AGTPBP1: variants seen among roughly 807,000 people sequenced by gnomAD.
AGTPBP1 encodes cytosolic carboxypeptidase 1.
AGTPBP1 carries 70 observed loss-of-function variants against 143.9 expected under a neutral mutation model. The observed-to-expected ratio is 0.49, with a 90% CI of 0.40 to 0.59. AGTPBP1 has a LOEUF of 0.59. Ranked by LOEUF, AGTPBP1 falls within the 20% of genes least tolerant of loss-of-function variation. The pLI is 0.00. For missense variants in AGTPBP1, 1,229 were observed against 1,464.5 expected (o/e 0.84, Z 2.62); for synonymous variants, 463 against 500.2 (o/e 0.93, Z 0.99).
intron 13 of AGTPBP1, among the ~76,000 whole-genome samples, chr9:85,639,346 C>A (rs1350401345): frequency 3.5e-5 from 5 of 144,312 alleles, no homozygotes; most frequent in Non-Finnish European, 7.7e-5. Context: ...CATACATACA[C>A]ACACCCATGC....
intron 19 of AGTPBP1, 36 bp downstream of exon 19, chr9:85,592,524 A>C (rs989218741): frequency 6.9e-7 from 1 of 1,444,884 alleles, no homozygotes; most frequent in South Asian, 1.3e-5. Flanking sequence ...TATCTTATAC[A>C]TATCCATATA....
the AGTPBP1 span, among the ~76,000 whole-genome samples, chr9:85,757,922 G>A: frequency 5.3e-5 from 8 of 152,228 alleles, no homozygotes; most frequent in Non-Finnish European, 4.4e-5. Context: ...AGTAGGGAAT[G>A]AATGCAAGTC....
intron 9 of AGTPBP1, among the ~76,000 whole-genome samples, chr9:85,658,358 T>C (rs563979442): frequency 2.6e-5 from 4 of 152,094 alleles, no homozygotes; most frequent in Non-Finnish European, 5.9e-5. Flanking sequence ...GGAGTAGAAT[T>C]AACAAATAAA....
At chr9:85,623,266 TA>T (rs1220900752) in intron 14 of AGTPBP1, among the ~76,000 whole-genome samples, 2 of 151,166 alleles carry the variant, frequency 1.3e-5, no homozygotes, top group African/African-American at 4.9e-5. Context: ...TCCCAAATTT[TA>T]AAGGCTGGCA....
intron 17 of AGTPBP1, among the ~76,000 whole-genome samples, chr9:85,608,555 GCACATGATA>G (rs1223271739): frequency 1.3e-5 from 2 of 151,312 alleles, no homozygotes; most frequent in Admixed American, 1.3e-4. Context: ...CTTCTCAACA[GCACATGATA>G]CATTCATAAA....
chr9:85,659,677 TAA>T (rs1370205863), intron 9 of AGTPBP1, among the ~76,000 whole-genome samples: 1 of 152,186 alleles, frequency 6.6e-6, no homozygotes. Flanking sequence ...TGGCTTTTAC[TAA>T]CTTAGAATTA....
At chr9:85,609,901 T>C (rs1326584534) in intron 17 of AGTPBP1, among the ~76,000 whole-genome samples, 23 of 152,132 alleles carry the variant, frequency 1.5e-4, no homozygotes, top group Non-Finnish European at 4.4e-5. Flanking sequence ...TTAGATAGTC[T>C]CAAAGTACCT....
intron 2 of AGTPBP1, among the ~76,000 whole-genome samples, chr9:85,695,259 CT>C (rs1182773616): frequency 6.6e-6 from 1 of 152,144 alleles, no homozygotes; most frequent in African/African-American, 2.4e-5. Context: ...ACAGTTGCTA[CT>C]TTCCTGTGAG....
chr9:85,701,192 A>C (rs1312551873), intron 2 of AGTPBP1, among the ~76,000 whole-genome samples: 2 of 150,734 alleles, frequency 1.3e-5, no homozygotes, highest in Non-Finnish European at 1.5e-5. Context: ...GATTACAGAC[A>C]TGAGCCACCA....
chr9:85,652,248 C>G (rs1181551211), intron 11 of AGTPBP1, among the ~76,000 whole-genome samples: 1 of 152,120 alleles, frequency 6.6e-6, no homozygotes, highest in Non-Finnish European at 1.5e-5. Context: ...CAGTGGCTCA[C>G]GCCTGTAATC....
At chr9:85,786,865 G>A in the AGTPBP1 span, among the ~76,000 whole-genome samples, 3 of 151,920 alleles carry the variant, frequency 2.0e-5, no homozygotes, top group African/African-American at 7.3e-5. Context: ...CATATTTGAA[G>A]AATAAAACTA....
chr9:85,750,115 A>C, the AGTPBP1 span, among the ~76,000 whole-genome samples: 2,457 of 151,988 alleles, frequency 0.016, 24 homozygotes, highest in Middle Eastern at 0.031. Flanking sequence ...ATCTCCTGAC[A>C]TTGTGATCTA....
intron 1 of AGTPBP1, among the ~76,000 whole-genome samples, chr9:85,729,100 A>AT (rs1463784130): frequency 6.6e-6 from 1 of 152,228 alleles, no homozygotes; most frequent in East Asian, 1.9e-4. Context: ...ATAAACTCAT[A>AT]TATCTATGGC....
intron 17 of AGTPBP1, among the ~76,000 whole-genome samples, chr9:85,604,900 TG>T (rs759573019): frequency 3.3e-5 from 5 of 152,012 alleles, no homozygotes; most frequent in Non-Finnish European, 7.4e-5. Context: ...AAAGAATTAG[TG>T]AGCCTGAAGA....
chr9:85,769,520 C>CAAAAAAAA, the AGTPBP1 span, among the ~76,000 whole-genome samples: 63 of 60,314 alleles, frequency 1.0e-3, no homozygotes, highest in South Asian at 2.1e-3. Context: ...ACCCTGTGTC[C>CAAAAAAAA]AAAAAAAAAA....
At position 85,642,725 on chromosome 9, in the gene AGTPBP1, T is replaced by G; in HGVS notation, c.1302+102A>C. 5 of 951,944 alleles carry G rather than the reference T, an allele frequency of 5.3e-6. No homozygotes were observed. In the South Asian group the frequency reaches 7.3e-5, roughly 14 times the overall value. 59.0% of individuals were successfully genotyped at this position (951,944 alleles called of 1,614,324 possible). On this transcript the variant is annotated intron_variant, in intron 13 of 25. Transcript: ENST00000357081. Reference sequence around the variant, plus strand: ...AGAAAAGCAATGCTAGTTTCACTTTTTAGAAATGGAAAGAAAATAAAAACA... The same window carrying G: ...AGAAAAGCAATGCTAGTTTCACTTTGTAGAAATGGAAAGAAAATAAAAACA...
At chr9:85,773,369 T>G in the AGTPBP1 span, among the ~76,000 whole-genome samples, 89 of 134,566 alleles carry the variant, frequency 6.6e-4, no homozygotes, top group African/African-American at 2.6e-3. Flanking sequence ...GTTTTGCTCT[T>G]GCACCCAGGC....
chr9:85,782,112 A>G, the AGTPBP1 span, among the ~76,000 whole-genome samples: 6 of 152,214 alleles, frequency 3.9e-5, no homozygotes. Flanking sequence ...GCACACATGT[A>G]TTTTTTACCT....
At chr9:85,624,586 G>C (rs1031884673) in intron 14 of AGTPBP1, among the ~76,000 whole-genome samples, 1 of 152,102 alleles carries the variant, frequency 6.6e-6, no homozygotes, top group African/African-American at 2.4e-5. Context: ...AATTCCAGAA[G>C]TACCTGTGTT....
Sources: gnomAD v4.1 joint callset for allele counts (sites outside exome capture counted in the v4.1 genomes callset) on GRCh38, gnomAD v4.1.1 for gene constraint, MANE v1.5 for transcripts, NCBI Gene and HGNC (gene_info 2026-07-23, HGNC 2026-07-21) for gene names.